AKT3: variants seen among roughly 807,000 people sequenced by gnomAD.
The protein encoded by AKT3 is AKT serine/threonine kinase 3, also known as RAC-gamma serine/threonine-protein kinase.
In AKT3, 15 loss-of-function variants were observed where a neutral mutation model predicts 65.3. The ratio of observed to expected loss-of-function variants is 0.23; its 90% confidence interval spans 0.15 to 0.35. The LOEUF is 0.35. Among genes scored for constraint, AKT3 ranks in the 10% least tolerant of loss-of-function variants. AKT3 has a pLI of 1.00. For synonymous variants in AKT3, 206 were observed against 183.8 expected (o/e 1.12, Z -0.98); for missense variants, 243 against 576.5 (o/e 0.42, Z 5.92).
At chr1:243,670,426 C>CT (rs1683082009) in intron 3 of AKT3, among the ~76,000 whole-genome samples, 1 of 152,182 alleles carries the variant, frequency 6.6e-6, no homozygotes, top group South Asian at 2.1e-4. Flanking sequence ...TGCATGTTCG[C>CT]AATAAGGAAT....
intron 3 of AKT3, among the ~76,000 whole-genome samples, chr1:243,688,051 T>C (rs1212013429): frequency 3.3e-5 from 5 of 152,130 alleles, no homozygotes; most frequent in South Asian, 2.1e-4. Flanking sequence ...ATTTATCAAT[T>C]ACCTTGATTT....
At chr1:243,510,360 C>T (rs981352740) in intron 13 of AKT3, among the ~76,000 whole-genome samples, 1 of 152,196 alleles carries the variant, frequency 6.6e-6, no homozygotes, top group East Asian at 1.9e-4. Context: ...TAGATCCTTC[C>T]TCTCCAACCC....
At chr1:243,675,854 GAGGCTCAGACCTTTACCTTCCAA>G (rs1292652275) in intron 3 of AKT3, among the ~76,000 whole-genome samples, 2 of 152,054 alleles carry the variant, frequency 1.3e-5, no homozygotes, top group African/African-American at 2.4e-5. Flanking sequence ...TTCCAAAGTA[GAGGCTCAGACCTTTACCTTCCAA>G]AGGCTCAGAC....
chr1:243,592,218 C>T (rs1403770359), intron 8 of AKT3, among the ~76,000 whole-genome samples: 1 of 151,900 alleles, frequency 6.6e-6, no homozygotes, highest in Non-Finnish European at 1.5e-5. Context: ...GCCTGTAGTC[C>T]CAGCTACTCT....
At chr1:243,786,849 G>A (rs1691296744) in intron 2 of AKT3, among the ~76,000 whole-genome samples, 1 of 152,074 alleles carries the variant, frequency 6.6e-6, no homozygotes, top group Non-Finnish European at 1.5e-5. Flanking sequence ...GCACACAGTA[G>A]CTTCTCACTA....
intron 11 of AKT3, among the ~76,000 whole-genome samples, chr1:243,545,912 G>A (rs1341868645): frequency 6.6e-6 from 1 of 152,172 alleles, no homozygotes; most frequent in African/African-American, 2.4e-5. Flanking sequence ...CATCTGCAGA[G>A]TGGGGAATGA....
chr1:243,726,203 A>G (rs1238027962), intron 2 of AKT3, among the ~76,000 whole-genome samples: 6 of 152,210 alleles, frequency 3.9e-5, no homozygotes, highest in Non-Finnish European at 7.3e-5. Flanking sequence ...CCACGCCCCA[A>G]TATGTAAGCC....
chr1:243,702,200 T>C (rs1476660219), intron 2 of AKT3, among the ~76,000 whole-genome samples: 3 of 151,172 alleles, frequency 2.0e-5, no homozygotes, highest in African/African-American at 7.3e-5. Context: ...TTTAAACCAA[T>C]GCTATGTTGT....
intron 13 of AKT3, among the ~76,000 whole-genome samples, chr1:243,490,618 G>A (rs141266771): frequency 3.9e-5 from 6 of 152,352 alleles, no homozygotes; most frequent in East Asian, 1.9e-4. Flanking sequence ...CATGGTGCAC[G>A]CCTGGCTTCA....
intron 3 of AKT3, among the ~76,000 whole-genome samples, chr1:243,684,220 C>T (rs937326707): frequency 3.9e-5 from 6 of 151,968 alleles, no homozygotes; most frequent in African/African-American, 1.2e-4. Flanking sequence ...AGGTTTGTTA[C>T]ATAGGTATAC....
At chr1:243,712,979 G>T (rs1274414431) in intron 2 of AKT3, among the ~76,000 whole-genome samples, 1 of 152,076 alleles carries the variant, frequency 6.6e-6, no homozygotes, top group Non-Finnish European at 1.5e-5. Context: ...GATCAAAAAG[G>T]CCAGGTTACT....
At position 243,657,324 on chromosome 1, in the gene AKT3, G is replaced by A. The variant is rs181508484; in HGVS notation, c.284+7448C>T. 3.3e-3 allele frequency among the ~76,000 whole-genome samples: 497 copies of A among 152,238 alleles called. 4 individuals carry two copies. Among genetic ancestry groups the A allele is most frequent in the African/African-American group, 0.012 (492 of 41,546 alleles). On this transcript the variant is annotated intron_variant, in intron 4 of 13. Transcript: ENST00000673466. ...GAACTGTAAGAAATAAATTTCTATTGTTTATAAGCTACTCAGTTTATGATA... is the reference window on the plus strand; with the variant it reads ...GAACTGTAAGAAATAAATTTCTATTATTTATAAGCTACTCAGTTTATGATA...
intron 8 of AKT3, among the ~76,000 whole-genome samples, chr1:243,583,170 G>GTATATATATA (rs74162293): frequency 4.2e-5 from 5 of 118,590 alleles, no homozygotes; most frequent in African/African-American, 1.4e-4. Context: ...ATATGTGTGT[G>GTATATATATA]TATATATATA....
chr1:243,511,335 T>G (rs1007148543), intron 13 of AKT3, among the ~76,000 whole-genome samples: 1 of 152,188 alleles, frequency 6.6e-6, no homozygotes, highest in Non-Finnish European at 1.5e-5. Context: ...GGTCCCAAGA[T>G]TAAGACCTCT....
At chr1:243,771,082 TG>T (rs1449146645) in intron 2 of AKT3, among the ~76,000 whole-genome samples, 1 of 152,222 alleles carries the variant, frequency 6.6e-6, no homozygotes, top group Non-Finnish European at 1.5e-5. Context: ...AGGGAAATGC[TG>T]TTTGTGCAAA....
chr1:243,540,138 A>G (rs1200431237), intron 12 of AKT3, among the ~76,000 whole-genome samples: 1 of 152,184 alleles, frequency 6.6e-6, no homozygotes, highest in Non-Finnish European at 1.5e-5. Context: ...ATACAAAGAC[A>G]TTTTAGGAAA....
intron 3 of AKT3, among the ~76,000 whole-genome samples, chr1:243,681,998 C>T (rs536646050): frequency 4.6e-5 from 7 of 151,948 alleles, no homozygotes; most frequent in South Asian, 4.2e-4. Context: ...GATTAAAACA[C>T]CAAATATAAT....
intron 1 of AKT3, 45 bp from the exon 2 acceptor site, chr1:243,843,327 A>G (rs1446884527): frequency 7.3e-7 from 1 of 1,372,118 alleles, no homozygotes; most frequent in Non-Finnish European, 9.4e-7. Flanking sequence ...CATTCTTGCA[A>G]CTCACAGAGC....
At chr1:243,519,935 G>A (rs1670606801) in intron 12 of AKT3, among the ~76,000 whole-genome samples, 1 of 152,120 alleles carries the variant, frequency 6.6e-6, no homozygotes, top group Non-Finnish European at 1.5e-5. Flanking sequence ...ACTTGACGGA[G>A]CTTATGTTGA....
Sources: allele counts gnomAD v4.1 joint callset (sites outside exome capture counted in the v4.1 genomes callset), GRCh38; gene constraint gnomAD v4.1.1; transcripts MANE v1.5; gene names NCBI Gene and HGNC (gene_info 2026-07-23, HGNC 2026-07-21).